Variants in HEPACAM observed in about 807,000 individuals in gnomAD.
The protein encoded by HEPACAM is hepatocyte cell adhesion molecule.
Under a neutral mutation model 38.3 loss-of-function variants are expected in HEPACAM, and 18 were observed. The ratio of observed to expected loss-of-function variants is 0.47; its 90% CI spans 0.33 to 0.70. The LOEUF is 0.70. Among genes scored for constraint, HEPACAM ranks in the 30% least tolerant of loss-of-function variants. The probability of loss-of-function intolerance (pLI) is 0.03; values close to 1 mark genes in which losing one functional copy is unlikely to be tolerated. For missense variants in HEPACAM, 466 were observed against 563.0 expected, an observed-to-expected ratio of 0.83 and a Z score of 1.74; for synonymous variants, 216 against 243.1, an observed-to-expected ratio of 0.89 and a Z score of 1.04.
Position 124,923,354 on chromosome 11 carries a change from C to A in HEPACAM, c.789G>T (p.Trp263Cys). 4 of 1,612,614 alleles carry A rather than the reference C, an allele frequency of 2.5e-6. No homozygotes were observed. Among genetic ancestry groups the A allele is most frequent in the Non-Finnish European group, 3.4e-6 (4 of 1,178,694 alleles). ...GTTACCCAGACCTTTTGGAGGGTTT[C>A]CAGCAGGCACAGACTGTCACCAAGG... ...LVTLVTVCAC[W>C]KPSKRKQKKL... Residue 263 changes from tryptophan (W) to cysteine (C), a missense_variant, in exon 4 of 7, where the codon TGG (tryptophan) becomes TGT (cysteine). By Grantham distance (215) the Trp-to-Cys change is radical (BLOSUM62 -2). Transcript: ENST00000298251.
In HEPACAM at chr11:124,923,801, C is replaced by T. The variant is rs766215764; in HGVS notation, c.637G>A (p.Asp213Asn). The T allele has an allele frequency of 3.8e-5, 62 of 1,614,050 alleles. 1 individual carries two copies. The highest frequency in any genetic ancestry group is 3.3e-5 in the South Asian group (3 of 91,080). The change falls in exon 3 of 7, where the codon GAC (aspartate) becomes AAC (asparagine). Residue 213 changes from aspartate (D) to asparagine (N), a missense_variant. Asp to Asn is a conservative substitution (Grantham distance 23). Coordinates refer to ENST00000298251, the MANE Select transcript of HEPACAM (RefSeq NM_152722.5). ...TTCTCCACCATGCAGCTGTACAGGT[C>T]GTCATCCTCCATGAGCACGCGGGTG... Reference protein sequence around the residue: ...TITRVLMEDDDLYSCMVENPI... With the variant: ...TITRVLMEDDNLYSCMVENPI...
chr11:124,919,649 G>C lies in HEPACAM; in HGVS notation c.*1489C>G, dbSNP rs1947096299. On this transcript the variant is annotated 3_prime_UTR_variant, in exon 7 of 7. Coordinates refer to ENST00000298251, the MANE Select transcript of HEPACAM (RefSeq NM_152722.5). The stretch of plus-strand genomic sequence containing the variant: ...GAGCCTGGGGAAGTGCCGAGGGACA[G>C]GGAGCTGAGACAGGCATGCTGTGGG... The C allele has an allele frequency of 3.0e-6, 4 of 1,353,782 alleles. No homozygotes were observed. Among genetic ancestry groups the C allele is most frequent in the Admixed American group, 4.1e-5 (2 of 48,246 alleles). 83.9% of individuals were successfully genotyped at this position (1,353,782 alleles called of 1,614,324 possible). A position where few individuals can be genotyped will look rare whatever the true frequency, so the allele number is the denominator to read the frequency against.
intron 1 of HEPACAM, among the ~76,000 whole-genome samples, chr11:124,927,165 G>A (rs189707888): frequency 1.3e-5 from 2 of 151,830 alleles, no homozygotes; most frequent in East Asian, 1.9e-4. Flanking sequence ...CCACTGCGTG[G>A]TTACTAAACA....
At position 124,921,483 on chromosome 11, in the gene HEPACAM, A is replaced by C; in HGVS notation, c.949-43T>G. ...GCAGGGGTCAGGGGACAGTCAGCCCAGCCTGGGAGCGCGCCTGGTGTTAGA... is the reference window on the plus strand; with the variant it reads ...GCAGGGGTCAGGGGACAGTCAGCCCCGCCTGGGAGCGCGCCTGGTGTTAGA... On this transcript the variant is annotated intron_variant, in intron 6 of 6. Coordinates refer to ENST00000298251, the MANE Select transcript of HEPACAM (RefSeq NM_152722.5). The surrounding 1 kb of genome is among the most constrained non-coding windows in gnomAD (Gnocchi z 4.6). The C allele has an allele frequency of 1.3e-5, 16 of 1,193,494 alleles. No individual in the cohort carries two copies. Among genetic ancestry groups the C allele is most frequent in the Non-Finnish European group, 1.7e-5 (16 of 947,346 alleles). 73.9% of individuals were successfully genotyped at this position (1,193,494 alleles called of 1,614,324 possible).
At chr11:124,934,651 C>T (rs771563175) in intron 1 of HEPACAM, among the ~76,000 whole-genome samples, 54 of 151,720 alleles carry the variant, frequency 3.6e-4, no homozygotes, top group African/African-American at 3.6e-4. Context: ...GCTGACACCT[C>T]GATCTCCCAC....
At chr11:124,922,608 C>G in intron 5 of HEPACAM, 137 bp downstream of exon 5, 1 of 1,610,920 alleles carries the variant, frequency 6.2e-7, no homozygotes, top group Non-Finnish European at 8.5e-7. Flanking sequence ...ACCTTTCCCT[C>G]CTCTGCAGTC....
At position 124,923,403 on chromosome 11, in the gene HEPACAM, G is replaced by A. The variant is rs145619784; in HGVS notation, c.740C>T (p.Thr247Ile). The change falls in exon 4 of 7, where the codon ACA becomes ATA. Residue 247 changes from threonine (T) to isoleucine (I), a missense_variant. By Grantham distance (89) the Thr-to-Ile change is moderately conservative. Transcript: ENST00000298251. ...RRSSLYIILSTGGIFLLVTLV... is the reference protein window; with the variant it reads ...RRSSLYIILSIGGIFLLVTLV... The stretch of plus-strand genomic sequence containing the variant: ...GGTCACAAGGAGGAAGATGCCTCCT[G>A]TAGACAAGATGATGTAAAGGGAGCT... 313 of 1,613,110 alleles carry A rather than the reference G, an allele frequency of 1.9e-4. No individual in the cohort carries two copies. The highest frequency in any genetic ancestry group is 2.5e-4 in the Non-Finnish European group (297 of 1,179,108).
chr11:124,925,182 T>A, intron 1 of HEPACAM, 113 bp from the exon 2 acceptor site: 1 of 756,406 alleles, frequency 1.3e-6, no homozygotes, highest in Admixed American at 2.9e-5. Flanking sequence ...GGCTCTTCAC[T>A]CCCTGCCAAT....
At chr11:124,925,091 G>A (rs372682657) in intron 1 of HEPACAM, 22 bp from the exon 2 acceptor site, 22 of 1,554,446 alleles carry the variant, frequency 1.4e-5, no homozygotes, top group Non-Finnish European at 1.9e-5. Context: ...GGCCCATGAG[G>A]AAGAGGGAAG....
chr11:124,919,658 G>A lies in HEPACAM; in HGVS notation c.*1480C>T, dbSNP rs1947096510. The stretch of plus-strand genomic sequence containing the variant: ...GAAGTGCCGAGGGACAGGGAGCTGA[G>A]ACAGGCATGCTGTGGGGTTCAGGGC... On this transcript the variant is annotated 3_prime_UTR_variant, in exon 7 of 7. Coordinates refer to ENST00000298251, the MANE Select transcript of HEPACAM (RefSeq NM_152722.5). 12 of 1,423,696 alleles carry A rather than the reference G, an allele frequency of 8.4e-6. No individual in the cohort carries two copies. The highest frequency in any genetic ancestry group is 1.2e-5 in the Non-Finnish European group (12 of 1,043,310). The allele number at this position is 1,423,696 out of a possible 1,614,324, so 88.2% of individuals were successfully genotyped here.
At chr11:124,922,136 A>C (rs1040625260) in intron 6 of HEPACAM, among the ~76,000 whole-genome samples, 1 of 152,234 alleles carries the variant, frequency 6.6e-6, no homozygotes, top group African/African-American at 2.4e-5. Flanking sequence ...TGAATTGAGC[A>C]TGCGAGGGAT....
At position 124,920,186 on chromosome 11, in the gene HEPACAM, T is replaced by A; in HGVS notation, c.*952A>T. ...GGAGATTAGGACTTATTCTCACAGC[T>A]GGAGGAAGCTCAACAACTTTCCTGA... On this transcript the variant is annotated 3_prime_UTR_variant, in exon 7 of 7. Transcript: ENST00000298251. 2.2e-6 allele frequency: 2 copies of A among 900,280 alleles called. No homozygotes were observed. The highest frequency in any genetic ancestry group is 1.7e-6 in the Non-Finnish European group (1 of 593,410). The allele number at this position is 900,280 out of a possible 1,614,324, so 55.8% of individuals were successfully genotyped here.
intron 1 of HEPACAM, among the ~76,000 whole-genome samples, chr11:124,929,847 T>C (rs1379766942): frequency 2.0e-5 from 3 of 152,090 alleles, no homozygotes; most frequent in African/African-American, 7.3e-5. Flanking sequence ...GAAATCACCA[T>C]CCACTCATTT....
At chr11:124,930,553 T>C (rs768883014) in intron 1 of HEPACAM, among the ~76,000 whole-genome samples, 17 of 152,332 alleles carry the variant, frequency 1.1e-4, no homozygotes, top group African/African-American at 2.9e-4. Context: ...AGAGAGTTAC[T>C]ATGTTTGTGG....
intron 1 of HEPACAM, among the ~76,000 whole-genome samples, chr11:124,926,276 A>G (rs1947207321): frequency 6.6e-6 from 1 of 152,240 alleles, no homozygotes; most frequent in East Asian, 1.9e-4. Context: ...TACAATATGC[A>G]TATTAGTCAT....
At position 124,920,976 on chromosome 11, in the gene HEPACAM, C is replaced by G; in HGVS notation, c.*162G>C. Reference sequence around the variant, plus strand: ...AACACTGCCGCCTCCGCGCACCCGCCTCCGTCTGCGCATGCTCATACACGT... The same window carrying G: ...AACACTGCCGCCTCCGCGCACCCGCGTCCGTCTGCGCATGCTCATACACGT... On this transcript the variant is annotated 3_prime_UTR_variant, in exon 7 of 7. Transcript: ENST00000298251. 1 of 1,365,654 alleles carries G rather than the reference C, an allele frequency of 7.3e-7. No individual in the cohort carries two copies. Among genetic ancestry groups the G allele is most frequent in the East Asian group, 3.0e-5 (1 of 33,702 alleles). 84.6% of individuals were successfully genotyped at this position (1,365,654 alleles called of 1,614,324 possible). A position where few individuals can be genotyped will look rare whatever the true frequency, so the allele number is the denominator to read the frequency against.
chr11:124,935,694 A>C (rs1947335085), intron 1 of HEPACAM, among the ~76,000 whole-genome samples: 1 of 152,176 alleles, frequency 6.6e-6, no homozygotes, highest in Admixed American at 6.5e-5. Flanking sequence ...GGGAGCTCCA[A>C]AGTCATGCAG....
intron 1 of HEPACAM, among the ~76,000 whole-genome samples, chr11:124,926,875 A>T (rs1368700391): frequency 6.6e-6 from 1 of 151,808 alleles, no homozygotes; most frequent in Admixed American, 6.6e-5. Flanking sequence ...GCAAAAAAAA[A>T]ATTTTTTTTT....
chr11:124,931,768 A>C (rs1203574859), intron 1 of HEPACAM, among the ~76,000 whole-genome samples: 3 of 152,236 alleles, frequency 2.0e-5, no homozygotes, highest in South Asian at 4.1e-4. Context: ...CATGTACTAT[A>C]ATAGGATGTA....
Sources: gnomAD v4.1 joint callset for allele counts (sites outside exome capture counted in the v4.1 genomes callset) on GRCh38, gnomAD v4.1.1 for gene constraint, Gnocchi (gnomAD v3.1) non-coding constraint, MANE v1.5 for transcripts, NCBI Gene and HGNC (gene_info 2026-07-23, HGNC 2026-07-21) for gene names.